Variants in TUSC3 observed in about 807,000 individuals in gnomAD.
The protein encoded by TUSC3 is dolichyl-diphosphooligosaccharide--protein glycosyltransferase subunit TUSC3.
In TUSC3, 45 loss-of-function variants were observed where a neutral mutation model predicts 44.8. The observed-to-expected ratio is 1.00, with a 90% CI of 0.79 to 1.29. The LOEUF is 1.29. Ranked by LOEUF, TUSC3 falls within the 50% of genes most tolerant of loss-of-function variation. TUSC3 has a pLI of 0.00. For synonymous variants in TUSC3, 212 were observed against 152.9 expected (o/e 1.39, Z -2.85); for missense variants, 519 against 437.9 (o/e 1.19, Z -1.65).
chr8:15,786,251 G>T, the TUSC3 span, among the ~76,000 whole-genome samples: 70,124 of 152,050 alleles, frequency 0.46, 17,000 homozygotes, highest in African/African-American at 0.6. Context: ...AAAACAAATT[G>T]ACAACTTAAA....
intron 1 of TUSC3, among the ~76,000 whole-genome samples, chr8:15,447,028 T>A (rs1800114326): frequency 6.6e-6 from 1 of 151,638 alleles, no homozygotes; most frequent in Non-Finnish European, 1.5e-5. Flanking sequence ...GAGAGTAACT[T>A]CAATACTGTT....
At chr8:15,447,960 T>C (rs1260859684) in intron 1 of TUSC3, among the ~76,000 whole-genome samples, 6 of 151,362 alleles carry the variant, frequency 4.0e-5, no homozygotes, top group Admixed American at 3.9e-4. Context: ...TTACAGTTAA[T>C]TTAAATGAAA....
chr8:15,784,396 G>A, the TUSC3 span, among the ~76,000 whole-genome samples: 1 of 152,208 alleles, frequency 6.6e-6, no homozygotes, highest in African/African-American at 2.4e-5. Flanking sequence ...TGTATTAAAT[G>A]ACTGCACTCC....
chr8:15,814,311 C>G, the TUSC3 span, among the ~76,000 whole-genome samples: 1 of 152,056 alleles, frequency 6.6e-6, no homozygotes, highest in African/African-American at 2.4e-5. Context: ...AGGAGGAAGA[C>G]ATAAGCGCAC....
At chr8:15,653,096 A>G (rs544778468) in intron 3 of TUSC3, among the ~76,000 whole-genome samples, 1 of 152,306 alleles carries the variant, frequency 6.6e-6, no homozygotes, top group East Asian at 1.9e-4. Context: ...CTTTTTCAAA[A>G]TACTTTTATT....
In TUSC3 at chr8:15,534,637, G is replaced by A. The variant is rs1325193705; in HGVS notation, n.189+51154G>A. On this transcript the variant is annotated intron_variant and non_coding_transcript_variant, in intron 2 of 5. Transcript: ENST00000503191. ...CAGCCTAGGTGACAGAGCGAGACTC[G>A]GTCTTTAAAAAAAAAAAAAAAAAAA... 1.3e-4 allele frequency among the ~76,000 whole-genome samples: 14 copies of A among 111,566 alleles called. No individual in the cohort carries two copies. The East Asian group carries it at 2.2e-3, about 17-fold the overall frequency. 73.2% of individuals were successfully genotyped at this position (111,566 alleles called of 152,430 possible).
chr8:15,539,934 G>A (rs569826242), upstream of TUSC3, among the ~76,000 whole-genome samples: 3 of 152,238 alleles, frequency 2.0e-5, no homozygotes, highest in South Asian at 2.1e-4. Context: ...TGATCTCAAT[G>A]GGAATAGAGA....
intron 6 of TUSC3, among the ~76,000 whole-genome samples, chr8:15,700,820 G>C (rs1386916838): frequency 7.1e-6 from 1 of 141,534 alleles, no homozygotes; most frequent in Non-Finnish European, 1.5e-5. Context: ...TCCCTTTTCT[G>C]GTCCTTTCAC....
At chr8:15,740,556 CA>C (rs1253284244) in intron 7 of TUSC3, among the ~76,000 whole-genome samples, 1 of 151,044 alleles carries the variant, frequency 6.6e-6, no homozygotes, top group Non-Finnish European at 1.5e-5. Context: ...AGATTAAACC[CA>C]AAAAAGAGGA....
intron 1 of TUSC3, among the ~76,000 whole-genome samples, chr8:15,551,108 T>C (rs943403325): frequency 4.6e-5 from 7 of 151,778 alleles, no homozygotes; most frequent in Non-Finnish European, 1.0e-4. Context: ...AATGAGAGGG[T>C]TGAACAAGAT....
chr8:15,610,034 C>CTG (rs1804694461), intron 1 of TUSC3, among the ~76,000 whole-genome samples: 1 of 152,010 alleles, frequency 6.6e-6, no homozygotes, highest in Admixed American at 6.6e-5. Context: ...ATTTTTGTTG[C>CTG]TGTTGATCAC....
chr8:15,481,478 C>T (rs796457873), intron 1 of TUSC3, among the ~76,000 whole-genome samples: 2 of 152,102 alleles, frequency 1.3e-5, no homozygotes, highest in African/African-American at 2.4e-5. Context: ...ATGCCAGTTC[C>T]TCAATCTTGC....
chr8:15,655,468 C>A (rs1206893625), intron 3 of TUSC3, among the ~76,000 whole-genome samples: 2 of 152,216 alleles, frequency 1.3e-5, no homozygotes. Context: ...AGGGAAAAAT[C>A]AAGGGGGAAG....
chr8:15,833,999 T>G, the TUSC3 span, among the ~76,000 whole-genome samples: 1 of 152,286 alleles, frequency 6.6e-6, no homozygotes, highest in African/African-American at 2.4e-5. Context: ...AATTTATTTC[T>G]ACACATTCTT....
At chr8:15,539,138 C>T (rs972729877), upstream of TUSC3, among the ~76,000 whole-genome samples, 33 of 151,848 alleles carry the variant, frequency 2.2e-4, no homozygotes, top group African/African-American at 6.5e-4. Context: ...TGTGAGCCAC[C>T]GTGCCTGGCT....
At position 15,736,966 on chromosome 8, in the gene TUSC3, T is replaced by C. The variant is rs74347178; in HGVS notation, c.862+6237T>C. ...TCAAGAAAATGACATGAAATAAATA[T>C]TAGTTAGAAGTAAAATTATTTATAT... On this transcript the variant is annotated intron_variant, in intron 7 of 10. Coordinates refer to ENST00000503731, the MANE Select transcript of TUSC3 (RefSeq NM_006765.4). Among the ~76,000 whole-genome samples, 808 of 152,230 alleles carry C rather than the reference T, an allele frequency of 5.3e-3. 4 individuals carry two copies. The highest frequency in any genetic ancestry group is 9.6e-3 in the Non-Finnish European group (656 of 67,980).
chr8:15,749,964 CAGTA>C (rs1277051501), intron 9 of TUSC3, among the ~76,000 whole-genome samples: 2 of 148,924 alleles, frequency 1.3e-5, no homozygotes, highest in African/African-American at 5.0e-5. Flanking sequence ...ATAAACTATA[CAGTA>C]AGTGATACTG....
At chr8:15,690,548 G>C (rs1392467563) in intron 6 of TUSC3, among the ~76,000 whole-genome samples, 1 of 152,022 alleles carries the variant, frequency 6.6e-6, no homozygotes, top group Non-Finnish European at 1.5e-5. Flanking sequence ...GAGTTGCTTT[G>C]AGTGTCTTCA....
chr8:15,657,478 T>C (rs993804811), intron 3 of TUSC3, among the ~76,000 whole-genome samples: 2 of 152,156 alleles, frequency 1.3e-5, no homozygotes, highest in Admixed American at 6.5e-5. Flanking sequence ...GGTCTTTTTT[T>C]CCAGATTTCA....
Sources: gnomAD v4.1 joint callset for allele counts (sites outside exome capture counted in the v4.1 genomes callset) on GRCh38, gnomAD v4.1.1 for gene constraint, MANE v1.5 for transcripts, NCBI Gene and HGNC (gene_info 2026-07-23, HGNC 2026-07-21) for gene names.